Variants in GCKR observed in about 807,000 individuals in gnomAD.
The protein encoded by GCKR is glucokinase regulatory protein.
In GCKR, 73 loss-of-function variants were observed where a neutral mutation model predicts 82.9. That is an observed-to-expected ratio of 0.88 (90% CI 0.73 to 1.07). The LOEUF is 1.07. Among genes scored for constraint, GCKR ranks in the 50% least tolerant of loss-of-function variants. GCKR has a pLI of 0.00. For missense variants in GCKR, 784 were observed against 782.1 expected, an observed-to-expected ratio of 1.00 and a Z score of -0.03; for synonymous variants, 294 against 291.8, an observed-to-expected ratio of 1.01 and a Z score of -0.08.
At chr2:27,521,882 C>G (rs1306829937) in intron 17 of GCKR, among the ~76,000 whole-genome samples, 1 of 151,856 alleles carries the variant, frequency 6.6e-6, no homozygotes, top group Non-Finnish European at 1.5e-5. Flanking sequence ...GCCACCATGC[C>G]CAGCTAATTT....
chr2:27,522,941 G>C (rs2148595063), intron 18 of GCKR, among the ~76,000 whole-genome samples: 1 of 149,978 alleles, frequency 6.7e-6, no homozygotes, highest in Non-Finnish European at 1.5e-5. Flanking sequence ...TGTCACCCAG[G>C]CTGCTGGAGT....
At chr2:27,507,438 T>A (rs1669776625) in intron 13 of GCKR, 127 bp downstream of exon 13, 2 of 773,234 alleles carry the variant, frequency 2.6e-6, no homozygotes, top group Non-Finnish European at 4.6e-6. Flanking sequence ...AGAATATGGG[T>A]CAGAAGTCAT....
chr2:27,499,346 G>T, intron 6 of GCKR, 51 bp from the exon 7 acceptor site: 1 of 1,467,972 alleles, frequency 6.8e-7, no homozygotes, highest in Non-Finnish European at 9.6e-7. Flanking sequence ...CAGTAGATTT[G>T]TGCCCTGGAA....
In GCKR at chr2:27,508,185, C is replaced by CT. The variant is rs1669797009; in HGVS notation, c.1359dup (p.Pro454SerfsTer14). 2 of 1,612,188 alleles carry CT rather than the reference C, an allele frequency of 1.2e-6. No homozygotes were observed. Among genetic ancestry groups the CT allele is most frequent in the Non-Finnish European group, 1.7e-6 (2 of 1,178,170 alleles). Reference sequence around the variant, plus strand: ...CTCTCCAGATCCCTCTGAAGAAGCTCTTTCCCTCCATCATCAGCATCACAT... The same window carrying CT: ...CTCTCCAGATCCCTCTGAAGAAGCTCTTTTCCCTCCATCATCAGCATCACAT... On this transcript the variant is annotated frameshift_variant, in exon 16 of 19. Transcript: ENST00000264717. LOFTEE classifies it high-confidence loss of function.
At chr2:27,505,900 A>T in intron 10 of GCKR, 64 bp downstream of exon 10, 1 of 927,350 alleles carries the variant, frequency 1.1e-6, no homozygotes, top group Admixed American at 1.7e-5. Context: ...GTGGATGGAG[A>T]TTGGCAGGTC....
Position 27,499,586 on chromosome 2 carries a change from C to T in GCKR, c.549+136C>T, listed in dbSNP as rs1669523697. The T allele has an allele frequency of 3.9e-6, 3 of 769,722 alleles. No individual in the cohort carries two copies. In the Admixed American group the frequency reaches 5.4e-5, roughly 14 times the overall value. 47.7% of individuals were successfully genotyped at this position (769,722 alleles called of 1,614,324 possible). ...GCTCAAGGAATTTTGGTTTTAGTTTCACTAACTTGGATCAAGTTGTGTGAA... is the reference window on the plus strand; with the variant it reads ...GCTCAAGGAATTTTGGTTTTAGTTTTACTAACTTGGATCAAGTTGTGTGAA... On this transcript the variant is annotated intron_variant, in intron 7 of 18. Coordinates refer to ENST00000264717, the MANE Select transcript of GCKR (RefSeq NM_001486.4).
Position 27,505,812 on chromosome 2 carries a change from AC to A in GCKR, c.847del (p.Gln283ArgfsTer23). The A allele has an allele frequency of 6.3e-7, 1 of 1,588,074 alleles. No homozygotes were observed. Among genetic ancestry groups the A allele is most frequent in the Non-Finnish European group, 8.6e-7 (1 of 1,156,192 alleles). ...TLLLAAHKTV[D>X]QGIAASQRCL... ...TTATTAGCAGCCCATAAGACTGTGG[AC>A]CAGGGCATTGCAGCATCTCAAAGGT... On this transcript the variant is annotated frameshift_variant, in exon 10 of 19. Coordinates refer to ENST00000264717, the MANE Select transcript of GCKR (RefSeq NM_001486.4). LOFTEE classifies it high-confidence loss of function.
chr2:27,497,133 T>C (rs1340081799), intron 1 of GCKR, 111 bp from the exon 2 acceptor site: 3 of 1,304,670 alleles, frequency 2.3e-6, no homozygotes, highest in African/African-American at 2.9e-5. Context: ...GGTATGTGTG[T>C]GCGTGTGTGT....
intron 11 of GCKR, 97 bp downstream of exon 11, chr2:27,506,676 T>C: frequency 9.1e-7 from 1 of 1,095,534 alleles, no homozygotes; most frequent in Non-Finnish European, 1.4e-6. Context: ...GTATGGGCGA[T>C]AGGATTGCAT....
intron 5 of GCKR, 103 bp from the exon 6 acceptor site, chr2:27,499,039 G>C (rs1042101999): frequency 1.3e-6 from 1 of 788,418 alleles, no homozygotes. Flanking sequence ...CTCATTCAAT[G>C]ATAGTTTTCC....
intron 16 of GCKR, among the ~76,000 whole-genome samples, 188 bp downstream of exon 16, chr2:27,508,439 T>C (rs1430346986): frequency 1.3e-5 from 2 of 152,228 alleles, no homozygotes; most frequent in Non-Finnish European, 2.9e-5. Context: ...ACTACTGGGC[T>C]CAGCTGTCTC....
intron 16 of GCKR, among the ~76,000 whole-genome samples, chr2:27,510,419 A>G (rs1669854167): frequency 6.6e-6 from 1 of 152,214 alleles, no homozygotes; most frequent in Admixed American, 6.5e-5. Context: ...GGTTTTTATT[A>G]AAGTGCTGCA....
In GCKR at chr2:27,497,618, G is replaced by C. The variant is rs1669448828; in HGVS notation, c.273G>C (p.Gln91His). The C allele has an allele frequency of 8.7e-6, 14 of 1,609,470 alleles. No homozygotes were observed. In the East Asian group the frequency reaches 3.1e-4, roughly 36 times the overall value. The change falls in exon 3 of 19, where the codon CAG (glutamine) becomes CAC (histidine). Residue 91 changes from glutamine to histidine, a missense_variant. By Grantham distance (24) the Gln-to-His change is conservative. Transcript: ENST00000264717. ...TTMVQVAGKV[Q>H]EVLKEPDGGL... ...TGGTACAGGTGGCTGGGAAAGTTCA[G>C]GAAGTGCTGAAGGTACTAACCTTCC...
At chr2:27,505,125 CAAAAAAAAAAA>C (rs146563052) in intron 9 of GCKR, among the ~76,000 whole-genome samples, 1 of 25,440 alleles carries the variant, frequency 3.9e-5, no homozygotes, top group South Asian at 2.3e-3. Flanking sequence ...GACTCCATCT[CAAAAAAAAAAA>C]AAAAAAAAAA....
chr2:27,497,228 C>G lies in GCKR; in HGVS notation c.61-16C>G. On this transcript the variant is annotated splice_polypyrimidine_tract_variant and intron_variant, in intron 1 of 18. Transcript: ENST00000264717. ...CTTTGGCTTCCTGCTCCATCCTTGT[C>G]CCCTCTTCCTTCTAGTTGTCTGGGT... The G allele has an allele frequency of 6.2e-7, 1 of 1,614,166 alleles. No homozygotes were observed. Among genetic ancestry groups the G allele is most frequent in the South Asian group, 1.1e-5 (1 of 91,072 alleles).
intron 8 of GCKR, among the ~76,000 whole-genome samples, 161 bp from the exon 9 acceptor site, chr2:27,503,353 G>A (rs1300503913): frequency 1.3e-5 from 2 of 152,112 alleles, no homozygotes; most frequent in Admixed American, 6.6e-5. Flanking sequence ...CTTGGGGTTC[G>A]GGGACACAGT....
rs1178080812 is a variant in GCKR at position 27,499,208 on chromosome 2, G to C, written c.495G>C (p.Lys165Asn). 6.9e-6 allele frequency: 11 copies of C among 1,604,176 alleles called. No individual in the cohort carries two copies. The East Asian group carries it at 2.5e-4, about 36-fold the overall frequency. The change falls in exon 6 of 19, where the codon AAG becomes AAC. Residue 165 changes from lysine (K) to asparagine (N), a missense_variant and splice_region_variant. Physicochemically the swap from Lys to Asn is moderately conservative, Grantham distance 94 (BLOSUM62 0). Transcript: ENST00000264717. ...SALHGIEELK[K>N]VAAGKKRVIV... ...TGCACGGGATTGAGGAACTGAAGAA[G>C]GTCTGTGCTTTTCACTGACATTGAC...
rs141189211 is a variant in GCKR, at chr2:27,518,856, T to G, written c.1491T>G (p.Leu497=). ...NTVSTGAHVL[L]GKILQNHMLD... ...TGAGTACAGGTGCTCATGTGCTTCTTGGTAAGATCCTACAAAACCACATGT... is the reference window on the plus strand; with the variant it reads ...TGAGTACAGGTGCTCATGTGCTTCTGGGTAAGATCCTACAAAACCACATGT... The change falls in exon 17 of 19, where the codon CTT becomes CTG. Residue 497 remains leucine (L), a synonymous_variant. Coordinates refer to ENST00000264717, the MANE Select transcript of GCKR (RefSeq NM_001486.4). The G allele has an allele frequency of 1.9e-4, 312 of 1,612,908 alleles. No homozygotes were observed. The highest frequency in any genetic ancestry group is 2.6e-4 in the Non-Finnish European group (304 of 1,179,184).
chr2:27,502,348 G>A (rs1050898454), intron 8 of GCKR, among the ~76,000 whole-genome samples: 1 of 152,194 alleles, frequency 6.6e-6, no homozygotes, highest in Non-Finnish European at 1.5e-5. Flanking sequence ...CAACGTAGGC[G>A]TGGAGATCTT....
Sources: allele counts gnomAD v4.1 joint callset (sites outside exome capture counted in the v4.1 genomes callset), GRCh38; gene constraint gnomAD v4.1.1; transcripts MANE v1.5; gene names NCBI Gene and HGNC (gene_info 2026-07-23, HGNC 2026-07-21).